TMEM131: variants seen among roughly 807,000 people sequenced by gnomAD.
TMEM131 encodes the protein transmembrane protein 131, also known as 2610524E03Rik.
A neutral mutation model predicts 211.6 loss-of-function variants in TMEM131; 66 were observed. That is an observed-to-expected ratio of 0.31 (90% CI 0.26 to 0.38). TMEM131 has a LOEUF of 0.38. TMEM131 is among the 10% of genes least tolerant of loss of function. TMEM131 has a pLI of 1.00. For missense variants in TMEM131, 2,036 were observed against 2,299.3 expected (o/e 0.89, Z 2.34); for synonymous variants, 844 against 841.3 (o/e 1.00, Z -0.06).
At chr2:97,965,161 C>G (rs1363581320) in intron 1 of TMEM131, among the ~76,000 whole-genome samples, 2 of 152,224 alleles carry the variant, frequency 1.3e-5, no homozygotes, top group African/African-American at 4.8e-5. Context: ...CCACCCATTT[C>G]AGTCCCGGTA....
intron 36 of TMEM131, 128 bp from the exon 37 acceptor site, chr2:97,761,042 C>G: frequency 7.8e-7 from 1 of 1,279,238 alleles, no homozygotes; most frequent in Non-Finnish European, 1.1e-6. Context: ...GAGCATCGCT[C>G]AGCCTCATGT....
intron 4 of TMEM131, among the ~76,000 whole-genome samples, chr2:97,883,754 T>C (rs1026015): frequency 0.029 from 4,439 of 152,230 alleles, 78 homozygotes; most frequent in Middle Eastern, 0.065. Context: ...CCCATAAATT[T>C]TGATGTTCTT....
chr2:97,870,405 T>A (rs1187490786), intron 4 of TMEM131, among the ~76,000 whole-genome samples: 3 of 152,126 alleles, frequency 2.0e-5, no homozygotes, highest in African/African-American at 7.2e-5. Context: ...CCAGTGCTGG[T>A]CCTGTTTGTT....
chr2:97,762,140 T>G lies in TMEM131; in HGVS notation c.4784A>C (p.Gln1595Pro). The part of the protein sequence containing the change: ...QTLNADIFLK[Q>P]RQTSPTPASP... ...AGCAGGTGTCGGTGAGGTCTGGCGT[T>G]GTTTTAAGAAAATGTCTGCGTTGAG... Residue 1595 changes from glutamine to proline, a missense_variant, in exon 36 of 41, where the codon CAA becomes CCA. This residue lies in a region of TMEM131 where 1,623 missense variants were observed against 1,805.9 expected (regional missense o/e 0.90). Coordinates refer to ENST00000186436, the MANE Select transcript of TMEM131 (RefSeq NM_015348.2). 6.2e-7 allele frequency: 1 copy of G among 1,613,946 alleles called. No individual in the cohort carries two copies. The highest frequency in any genetic ancestry group is 8.5e-7 in the Non-Finnish European group (1 of 1,179,856).
At chr2:97,888,724 T>C (rs1675260691) in intron 3 of TMEM131, among the ~76,000 whole-genome samples, 1 of 152,140 alleles carries the variant, frequency 6.6e-6, no homozygotes, top group Admixed American at 6.6e-5. Context: ...ATAGCAAACC[T>C]CAGACAACAT....
intron 7 of TMEM131, among the ~76,000 whole-genome samples, chr2:97,840,844 G>C (rs554235150): frequency 6.6e-6 from 1 of 152,264 alleles, no homozygotes; most frequent in East Asian, 1.9e-4. Context: ...CAAGTGTTGG[G>C]GAGAGATTTC....
At chr2:97,912,457 G>A (rs1676327786) in intron 2 of TMEM131, among the ~76,000 whole-genome samples, 1 of 152,094 alleles carries the variant, frequency 6.6e-6, no homozygotes, top group Non-Finnish European at 1.5e-5. Flanking sequence ...AGTACTCAGA[G>A]CCCTAGAAAA....
intron 32 of TMEM131, among the ~76,000 whole-genome samples, chr2:97,774,448 A>C (rs1679616649): frequency 6.6e-6 from 1 of 152,266 alleles, no homozygotes; most frequent in Admixed American, 6.5e-5. Flanking sequence ...GAGAAATAAA[A>C]GCACACGGCC....
chr2:97,806,898 C>T (rs956274568), intron 19 of TMEM131, among the ~76,000 whole-genome samples: 1 of 152,122 alleles, frequency 6.6e-6, no homozygotes, highest in Non-Finnish European at 1.5e-5. Context: ...CTAAAACACC[C>T]GACAGCCAGC....
chr2:97,819,278 T>C (rs1053283349), intron 11 of TMEM131, among the ~76,000 whole-genome samples: 4 of 152,222 alleles, frequency 2.6e-5, no homozygotes, highest in East Asian at 1.9e-4. Flanking sequence ...GGCTATGGGA[T>C]TGAGCACTGA....
At chr2:97,840,267 G>C (rs1240494809) in intron 7 of TMEM131, among the ~76,000 whole-genome samples, 1 of 152,234 alleles carries the variant, frequency 6.6e-6, no homozygotes, top group Non-Finnish European at 1.5e-5. Flanking sequence ...AAGAGAAAAG[G>C]TACAGACTGT....
chr2:97,894,883 C>T (rs1308393741), intron 3 of TMEM131, among the ~76,000 whole-genome samples: 124 of 152,102 alleles, frequency 8.2e-4, no homozygotes, highest in Non-Finnish European at 4.4e-5. Context: ...GCCTGACTGC[C>T]CTGGCCAGAA....
intron 4 of TMEM131, among the ~76,000 whole-genome samples, chr2:97,877,401 A>G (rs1442585098): frequency 6.6e-6 from 1 of 152,228 alleles, no homozygotes; most frequent in Non-Finnish European, 1.5e-5. Flanking sequence ...TTGCCAAGAC[A>G]ATCCTGGGCA....
At chr2:97,945,654 G>A (rs1299362051) in intron 1 of TMEM131, among the ~76,000 whole-genome samples, 3 of 152,054 alleles carry the variant, frequency 2.0e-5, no homozygotes, top group Non-Finnish European at 4.4e-5. Flanking sequence ...ATTGTGCACG[G>A]GGAGGAGAAA....
intron 11 of TMEM131, among the ~76,000 whole-genome samples, chr2:97,819,226 C>T (rs1398370310): frequency 2.0e-5 from 3 of 152,240 alleles, no homozygotes; most frequent in South Asian, 2.1e-4. Flanking sequence ...CATGGCTCTG[C>T]GAGTGAGGCA....
intron 1 of TMEM131, among the ~76,000 whole-genome samples, chr2:97,973,156 T>A (rs1679381655): frequency 6.6e-6 from 1 of 152,162 alleles, no homozygotes; most frequent in Non-Finnish European, 1.5e-5. Context: ...TCACATTAAT[T>A]ACCAAAAATT....
intron 3 of TMEM131, among the ~76,000 whole-genome samples, chr2:97,894,129 A>T (rs189528251): frequency 6.6e-6 from 1 of 152,234 alleles, no homozygotes; most frequent in African/African-American, 2.4e-5. Context: ...CATTTATTAA[A>T]TAGGGAATCC....
chr2:97,957,203 G>GA (rs1441444109), intron 1 of TMEM131, among the ~76,000 whole-genome samples: 2 of 151,740 alleles, frequency 1.3e-5, no homozygotes, highest in East Asian at 1.9e-4. Context: ...GAAAAAAATT[G>GA]AAAGACACCA....
intron 4 of TMEM131, among the ~76,000 whole-genome samples, chr2:97,881,954 A>G (rs1674954327): frequency 6.6e-6 from 1 of 152,212 alleles, no homozygotes; most frequent in South Asian, 2.1e-4. Flanking sequence ...AAGAGGATCT[A>G]TTCTAAAATA....
Sources: gnomAD v4.1 joint callset for allele counts (sites outside exome capture counted in the v4.1 genomes callset) on GRCh38, gnomAD v4.1.1 for gene constraint, gnomAD v4.1.1 regional missense constraint, MANE v1.5 for transcripts, NCBI Gene and HGNC (gene_info 2026-07-23, HGNC 2026-07-21) for gene names.